SNUPN: variants seen among roughly 807,000 people sequenced by gnomAD.
SNUPN encodes the protein snurportin 1.
Under a neutral mutation model 39.2 loss-of-function variants are expected in SNUPN, and 31 were observed. That is an observed-to-expected ratio of 0.79 (90% confidence interval 0.59 to 1.07). SNUPN has a LOEUF of 1.07. Among genes scored for constraint, SNUPN ranks in the 50% least tolerant of loss-of-function variants. The pLI is 0.00. For missense variants in SNUPN, 382 were observed against 434.2 expected (o/e 0.88, Z 1.07); for synonymous variants, 132 against 159.0 (o/e 0.83, Z 1.28).
Position 75,598,684 on chromosome 15 carries a change from A to G in SNUPN, c.760-3T>C, listed in dbSNP as rs751338220. 2.5e-6 allele frequency: 4 copies of G among 1,588,588 alleles called. No individual in the cohort carries two copies. The highest frequency in any genetic ancestry group is 3.4e-6 in the Non-Finnish European group (4 of 1,162,588). ...TGGTAGAAGAGAAGTCCATCTACCT[A>G]TAAGACAAGGGGAAATTGAGGATCA... is the stretch of plus-strand genomic sequence containing the variant. On this transcript the variant is annotated splice_region_variant and splice_polypyrimidine_tract_variant and intron_variant, in intron 8 of 8. Transcript: ENST00000308588.
chr15:75,610,100 A>C, intron 3 of SNUPN, 106 bp from the exon 4 acceptor site: 2 of 872,102 alleles, frequency 2.3e-6, no homozygotes, highest in South Asian at 1.5e-5. Flanking sequence ...ACCTGAGTGA[A>C]AGAATGAGGG....
At chr15:75,603,991 G>A (rs997090511) in intron 7 of SNUPN, among the ~76,000 whole-genome samples, 8 of 152,096 alleles carry the variant, frequency 5.3e-5, no homozygotes, top group African/African-American at 1.9e-4. Flanking sequence ...GGGTTACTGT[G>A]TGGATTCAGT....
At chr15:75,604,664 T>C (rs2075317385) in intron 7 of SNUPN, among the ~76,000 whole-genome samples, 1 of 152,244 alleles carries the variant, frequency 6.6e-6, no homozygotes, top group Non-Finnish European at 1.5e-5. Context: ...TACCCTATTT[T>C]TCAGATGGAA....
chr15:75,613,882 A>G (rs1362151919), intron 3 of SNUPN, among the ~76,000 whole-genome samples: 1 of 152,212 alleles, frequency 6.6e-6, no homozygotes, highest in Non-Finnish European at 1.5e-5. Flanking sequence ...CACTTCCTCA[A>G]AAGGTTAAAC....
chr15:75,609,338 C>T (rs1367493885), intron 5 of SNUPN, among the ~76,000 whole-genome samples: 1 of 151,692 alleles, frequency 6.6e-6, no homozygotes, highest in African/African-American at 2.4e-5. Flanking sequence ...TACAGGTGCC[C>T]ACCACCGCAC....
chr15:75,611,999 G>A (rs1432195335), intron 3 of SNUPN, among the ~76,000 whole-genome samples: 1 of 151,464 alleles, frequency 6.6e-6, no homozygotes, highest in Admixed American at 6.6e-5. Context: ...TCCTACTGAA[G>A]GCCCTCTGAC....
chr15:75,606,921 G>C (rs1185606959), intron 6 of SNUPN, among the ~76,000 whole-genome samples: 1 of 152,146 alleles, frequency 6.6e-6, no homozygotes, highest in African/African-American at 2.4e-5. Context: ...CCATACTCTG[G>C]AGAGAGATAA....
At chr15:75,614,117 C>G (rs1225866134) in intron 3 of SNUPN, among the ~76,000 whole-genome samples, 1 of 151,826 alleles carries the variant, frequency 6.6e-6, no homozygotes, top group East Asian at 1.9e-4. Context: ...TGGTGAAACT[C>G]CCGTCTCTAC....
rs565545651 is a variant in SNUPN at position 75,622,496 on chromosome 15, G to A, written c.-5-1440C>T. On this transcript the variant is annotated intron_variant, in intron 1 of 8. Transcript: ENST00000308588. ...CTTCCCACTTTAGGTGGACCCTAAA[G>A]AATGGGAGTGGGGAGAAAGGTGAAT... 5.1e-6 allele frequency: 5 copies of A among 985,110 alleles called. No homozygotes were observed. In the Admixed American group the frequency reaches 1.8e-4, roughly 36 times the overall value. 61.0% of individuals were successfully genotyped at this position (985,110 alleles called of 1,614,324 possible).
intron 1 of SNUPN, among the ~76,000 whole-genome samples, chr15:75,623,010 C>T (rs1039400943): frequency 1.3e-5 from 2 of 152,158 alleles, no homozygotes; most frequent in African/African-American, 4.8e-5. Context: ...ATACACATAT[C>T]ATGAAATTCA....
At chr15:75,610,075 G>C in intron 3 of SNUPN, 81 bp from the exon 4 acceptor site, 1 of 1,050,988 alleles carries the variant, frequency 9.5e-7, no homozygotes, top group South Asian at 1.3e-5. Flanking sequence ...TTAATATCCT[G>C]TGTGTATATT....
At chr15:75,615,594 ATTTTTTTTTT>A (rs141302808) in intron 3 of SNUPN, among the ~76,000 whole-genome samples, 3 of 73,974 alleles carry the variant, frequency 4.1e-5, no homozygotes, top group Admixed American at 2.2e-4. Context: ...AAGGAATCTC[ATTTTTTTTTT>A]TTTTTTTTTT....
rs147484834 is a variant in SNUPN at position 75,612,264 on chromosome 15, C to T, written c.304-2270G>A. On this transcript the variant is annotated intron_variant, in intron 3 of 8. Coordinates refer to ENST00000308588, the MANE Select transcript of SNUPN (RefSeq NM_005701.4). ...GCCAGGCTGGTCTCGAACTCCTGAC[C>T]TCAGGTGATCCACCCACCTCGGCCT... 3.6e-3 allele frequency among the ~76,000 whole-genome samples: 546 copies of T among 152,216 alleles called. 8 individuals carry two copies. The highest frequency in any genetic ancestry group is 0.01 in the Middle Eastern group (3 of 294).
chr15:75,623,845 C>G (rs991610005), intron 1 of SNUPN, among the ~76,000 whole-genome samples: 21 of 151,738 alleles, frequency 1.4e-4, no homozygotes, highest in Non-Finnish European at 2.9e-4. Context: ...GTATGTTATT[C>G]AAATCATCCA....
At chr15:75,615,897 T>C (rs1422299499) in intron 3 of SNUPN, among the ~76,000 whole-genome samples, 2 of 151,854 alleles carry the variant, frequency 1.3e-5, no homozygotes, top group African/African-American at 4.8e-5. Context: ...CGTGAGCCAC[T>C]GCACCTGGCC....
chr15:75,601,104 C>T (rs1224236172), intron 8 of SNUPN, 34 bp downstream of exon 8: 3 of 1,405,982 alleles, frequency 2.1e-6, no homozygotes, highest in Non-Finnish European at 3.0e-6. Context: ...AGCCTATCAT[C>T]ATGTCAAGGC....
intron 1 of SNUPN, chr15:75,625,225 C>A (rs987368140): frequency 6.8e-6 from 1 of 147,860 alleles, no homozygotes; most frequent in African/African-American, 2.5e-5. Flanking sequence ...ACCCTCCCTC[C>A]CTGTCTAGCC....
At chr15:75,610,036 G>A in intron 3 of SNUPN, 42 bp from the exon 4 acceptor site, 4 of 1,465,066 alleles carry the variant, frequency 2.7e-6, no homozygotes, top group Non-Finnish European at 3.8e-6. Flanking sequence ...GCAGGGGTGT[G>A]CTACTCGAAA....
At chr15:75,606,644 T>C (rs912441439) in intron 6 of SNUPN, among the ~76,000 whole-genome samples, 9 of 151,730 alleles carry the variant, frequency 5.9e-5, no homozygotes, top group Non-Finnish European at 1.2e-4. Context: ...ATGTTGGGGG[T>C]ATGGTGAAAC....
Sources: allele counts gnomAD v4.1 joint callset (sites outside exome capture counted in the v4.1 genomes callset), GRCh38; gene constraint gnomAD v4.1.1; transcripts MANE v1.5; gene names NCBI Gene and HGNC (gene_info 2026-07-23, HGNC 2026-07-21).